Variants in CCDC3 observed in about 807,000 individuals in gnomAD.
CCDC3 encodes coiled-coil domain containing 3, also known as coiled-coil domain-containing protein 3.
In CCDC3, 24 loss-of-function variants were observed where a neutral mutation model predicts 21.4. The ratio of observed to expected loss-of-function variants is 1.12; its 90% CI spans 0.81 to 1.58. The LOEUF (loss-of-function observed/expected upper bound fraction) is 1.58. CCDC3 is among the 40% of genes most tolerant of loss of function. The pLI, the probability that CCDC3 is intolerant of heterozygous loss-of-function variation, is 0.00. For synonymous variants in CCDC3, 186 were observed against 166.0 expected (o/e 1.12, Z -0.93); for missense variants, 425 against 360.9 (o/e 1.18, Z -1.44).
intron 2 of CCDC3, among the ~76,000 whole-genome samples, chr10:12,903,289 G>T (rs1834121583): frequency 6.6e-6 from 1 of 152,210 alleles, no homozygotes; most frequent in Admixed American, 6.5e-5. Context: ...CACCTCAAAA[G>T]AAAATCCTGT....
chr10:12,977,456 C>G (rs1459852426), intron 2 of CCDC3, among the ~76,000 whole-genome samples: 1 of 152,090 alleles, frequency 6.6e-6, no homozygotes, highest in Non-Finnish European at 1.5e-5. Flanking sequence ...GAGAACAAAC[C>G]CCCGACCCCA....
intron 2 of CCDC3, among the ~76,000 whole-genome samples, chr10:12,976,324 C>A (rs764847091): frequency 3.0e-4 from 46 of 152,204 alleles, no homozygotes; most frequent in Non-Finnish European, 4.4e-5. Flanking sequence ...ACACACAGAG[C>A]ATCTACTGAG....
At position 12,898,245 on chromosome 10, in the gene CCDC3, CCAG is replaced by C. The variant is rs1429256967; in HGVS notation, c.*168_*170del. 1 of 797,624 alleles carries C rather than the reference CCAG, an allele frequency of 1.3e-6. No homozygotes were observed. The highest frequency in any genetic ancestry group is 1.9e-6 in the Non-Finnish European group (1 of 517,498). The allele number at this position is 797,624 out of a possible 1,614,324, so 49.4% of individuals were successfully genotyped here. The stretch of plus-strand genomic sequence containing the variant: ...CAGCGCGTGGGGTCTGACATTGAGG[CCAG>C]CACCCAAGGGGAAAGCAAGCCTTGC... On this transcript the variant is annotated 3_prime_UTR_variant, in exon 3 of 3. Coordinates refer to ENST00000378825, the MANE Select transcript of CCDC3 (RefSeq NM_031455.4).
intron 2 of CCDC3, among the ~76,000 whole-genome samples, chr10:12,982,151 A>AAAAG (rs1835508274): frequency 2.4e-5 from 3 of 127,572 alleles, no homozygotes; most frequent in African/African-American, 8.5e-5. Flanking sequence ...AAAAAAAAAA[A>AAAAG]GTGAGCTACC....
intron 3 of CCDC3, among the ~76,000 whole-genome samples, chr10:13,090,052 T>G (rs868245657): frequency 0.15 from 19,114 of 129,256 alleles, 1,921 homozygotes; most frequent in Middle Eastern, 0.21. Context: ...TATATATATA[T>G]ATATATATAT....
At position 12,898,345 on chromosome 10, in the gene CCDC3, A is replaced by G. The variant is rs936570927; in HGVS notation, c.*71T>C. The G allele has an allele frequency of 1.4e-6, 2 of 1,428,686 alleles. No individual in the cohort carries two copies. Among genetic ancestry groups the G allele is most frequent in the African/African-American group, 2.9e-5 (2 of 69,990 alleles). The allele number at this position is 1,428,686 out of a possible 1,614,324, so 88.5% of individuals were successfully genotyped here. A position where few individuals can be genotyped will look rare whatever the true frequency, so the allele number is the denominator to read the frequency against. ...CTCTTACAACCCTTGAAATAGCTGC[A>G]TGTACGAAACCTCACTCATTCTCAA... is the stretch of plus-strand genomic sequence containing the variant. On this transcript the variant is annotated 3_prime_UTR_variant, in exon 3 of 3. Coordinates refer to ENST00000378825, the MANE Select transcript of CCDC3 (RefSeq NM_031455.4).
intron 3 of CCDC3, among the ~76,000 whole-genome samples, chr10:13,079,486 A>C (rs1157369240): frequency 6.6e-6 from 1 of 152,170 alleles, no homozygotes; most frequent in Non-Finnish European, 1.5e-5. Flanking sequence ...GCGGGGCCAT[A>C]AAGCATTCCT....
intron 5 of CCDC3, among the ~76,000 whole-genome samples, chr10:13,010,632 A>G (rs879273764): frequency 6.6e-6 from 1 of 152,236 alleles, no homozygotes; most frequent in Non-Finnish European, 1.5e-5. Flanking sequence ...AAATTAAAGC[A>G]TATCCCATAT....
At chr10:13,002,487 T>C (rs1348804724), upstream of CCDC3, among the ~76,000 whole-genome samples, 1 of 152,142 alleles carries the variant, frequency 6.6e-6, no homozygotes, top group Non-Finnish European at 1.5e-5. Flanking sequence ...TCCCCTGGGC[T>C]CAGGTGATCC....
In CCDC3 at chr10:12,898,606, G is replaced by A. The variant is rs755641299; in HGVS notation, c.623C>T (p.Ala208Val). ...CTGCCGGTTGCGCTTCTCCAGGGTG[G>A]CCACTTTCTGCTGCAGTTTCTTGAC... ...DHVKKLQQKV[A>V]TLEKRNRQLR... Residue 208 changes from alanine to valine, a missense_variant, in exon 3 of 3, where the codon GCC becomes GTC. Ala to Val is a moderately conservative substitution (Grantham distance 64). Transcript: ENST00000378825. 1 of 1,614,196 alleles carries A rather than the reference G, an allele frequency of 6.2e-7. No homozygotes were observed. Among genetic ancestry groups the A allele is most frequent in the Non-Finnish European group, 8.5e-7 (1 of 1,180,012 alleles).
At chr10:12,954,098 A>G (rs888363489) in intron 2 of CCDC3, among the ~76,000 whole-genome samples, 3 of 152,350 alleles carry the variant, frequency 2.0e-5, no homozygotes, top group African/African-American at 7.2e-5. Flanking sequence ...CACTTAACTC[A>G]GAGGCCACAC....
At chr10:12,932,638 G>A (rs1277462802) in intron 2 of CCDC3, among the ~76,000 whole-genome samples, 1 of 152,106 alleles carries the variant, frequency 6.6e-6, no homozygotes, top group African/African-American at 2.4e-5. Context: ...TCCTCAATCT[G>A]TATACCTTTG....
intron 2 of CCDC3, among the ~76,000 whole-genome samples, chr10:12,937,341 G>T (rs866961094): frequency 2.0e-5 from 3 of 152,108 alleles, no homozygotes; most frequent in Non-Finnish European, 4.4e-5. Context: ...CATTTCCTAC[G>T]TAGAGCATTT....
chr10:13,007,850 C>T (rs1041312971), intron 5 of CCDC3, among the ~76,000 whole-genome samples: 3 of 152,106 alleles, frequency 2.0e-5, no homozygotes, highest in Non-Finnish European at 4.4e-5. Flanking sequence ...TCCTGAAAAA[C>T]TCCACTCTAA....
intron 3 of CCDC3, among the ~76,000 whole-genome samples, chr10:13,074,405 C>T (rs1463656754): frequency 7.4e-6 from 1 of 134,618 alleles, no homozygotes; most frequent in Admixed American, 8.6e-5. Flanking sequence ...AGGCTGGTCT[C>T]GAACTCCCGA....
At chr10:13,021,990 C>T (rs1836152140) in intron 5 of CCDC3, among the ~76,000 whole-genome samples, 4 of 152,192 alleles carry the variant, frequency 2.6e-5, no homozygotes, top group African/African-American at 9.6e-5. Context: ...GAACTCCTGA[C>T]CTCAGGTGAT....
At chr10:12,968,202 TACACACAC>T (rs71386134) in intron 2 of CCDC3, among the ~76,000 whole-genome samples, 3 of 143,488 alleles carry the variant, frequency 2.1e-5, no homozygotes, top group African/African-American at 7.6e-5. Flanking sequence ...CACACACACA[TACACACAC>T]ACACACACAC....
intron 2 of CCDC3, among the ~76,000 whole-genome samples, chr10:12,986,721 C>A (rs61851358): frequency 1.3e-5 from 2 of 150,136 alleles, no homozygotes; most frequent in Non-Finnish European, 3.0e-5. Flanking sequence ...TGCAGTGAGC[C>A]GAGATCGTGC....
chr10:12,924,862 G>T (rs1834510002), intron 2 of CCDC3: 1 of 152,192 alleles, frequency 6.6e-6, no homozygotes, highest in Admixed American at 6.5e-5. Context: ...GTCAATTTGG[G>T]TCTCATGAGC....
Sources: allele counts gnomAD v4.1 joint callset (sites outside exome capture counted in the v4.1 genomes callset), GRCh38; gene constraint gnomAD v4.1.1; transcripts MANE v1.5; gene names NCBI Gene and HGNC (gene_info 2026-07-23, HGNC 2026-07-21).